HCRTR2: variants seen among roughly 807,000 people sequenced by gnomAD.
HCRTR2 encodes hypocretin receptor 2.
In HCRTR2, 22 loss-of-function variants were observed where a neutral mutation model predicts 49.0. The observed-to-expected ratio is 0.45, with a 90% CI of 0.32 to 0.64. HCRTR2 has a LOEUF of 0.64. Among genes scored for constraint, HCRTR2 ranks in the 30% least tolerant of loss-of-function variants. The pLI is 0.04. For synonymous variants in HCRTR2, 236 were observed against 205.3 expected (o/e 1.15, Z -1.28); for missense variants, 491 against 559.4 (o/e 0.88, Z 1.23).
Position 55,240,357 on chromosome 6 carries a change from CAAAAAAAAAAA to C in HCRTR2, c.224-8265_224-8255del, listed in dbSNP as rs1167981530. Among the ~76,000 whole-genome samples the C allele has an allele frequency of 2.2e-4, 10 of 46,016 alleles. No individual in the cohort carries two copies. The East Asian group carries it at 4.9e-3, about 23-fold the overall frequency. The allele number at this position is 46,016 out of a possible 152,430, so 30.2% of individuals were successfully genotyped here. A position where few individuals can be genotyped will look rare whatever the true frequency, so the allele number is the denominator to read the frequency against. On this transcript the variant is annotated intron_variant, in intron 1 of 6. Coordinates refer to ENST00000370862, the MANE Select transcript of HCRTR2 (RefSeq NM_001384272.1). ...TGGACGAAAGAGCGAGACTCCAGCT[CAAAAAAAAAAA>C]AAAAAAAAAAAAAAAAGAGTTTTAT... is the stretch of plus-strand genomic sequence containing the variant.
chr6:55,214,890 T>C (rs1388476226), intron 1 of HCRTR2, among the ~76,000 whole-genome samples: 1 of 151,868 alleles, frequency 6.6e-6, no homozygotes, highest in Non-Finnish European at 1.5e-5. Context: ...TTTGTAATTA[T>C]TCAGTCAGAG....
intron 1 of HCRTR2, among the ~76,000 whole-genome samples, chr6:55,133,678 T>TATCC (rs1371568495): frequency 6.7e-6 from 1 of 149,632 alleles, no homozygotes; most frequent in Non-Finnish European, 1.5e-5. Flanking sequence ...TCTATCTATC[T>TATCC]ATCTATCTAT....
chr6:55,235,178 G>A (rs1242476618), intron 1 of HCRTR2, among the ~76,000 whole-genome samples: 1 of 152,052 alleles, frequency 6.6e-6, no homozygotes, highest in Non-Finnish European at 1.5e-5. Flanking sequence ...TTGGCAGGGG[G>A]GATGTTGTTG....
downstream of HCRTR2, among the ~76,000 whole-genome samples, chr6:55,283,929 A>G (rs1008593784): frequency 6.6e-6 from 1 of 152,186 alleles, no homozygotes; most frequent in African/African-American, 2.4e-5. Flanking sequence ...CTATCTTCTT[A>G]TACAAGGTTT....
At chr6:55,179,531 G>A (rs150994332) in intron 1 of HCRTR2, among the ~76,000 whole-genome samples, 24 of 152,164 alleles carry the variant, frequency 1.6e-4, no homozygotes, top group African/African-American at 5.5e-4. Context: ...CTTTTAAGAT[G>A]GCTATTTCAT....
intron 1 of HCRTR2, 116 bp downstream of exon 1, chr6:55,174,926 T>A (rs969449745): frequency 1.3e-6 from 1 of 755,828 alleles, no homozygotes; most frequent in Admixed American, 2.2e-5. Flanking sequence ...AGGTCGCTGC[T>A]CTCGGATGGG....
chr6:55,237,773 T>C (rs1766241707), intron 1 of HCRTR2, among the ~76,000 whole-genome samples: 6 of 152,212 alleles, frequency 3.9e-5, no homozygotes, highest in Admixed American at 3.9e-4. Flanking sequence ...TTATCTGCCG[T>C]TACCAGAAAT....
At chr6:55,272,979 A>G (rs1428034574) in intron 4 of HCRTR2, among the ~76,000 whole-genome samples, 1 of 151,514 alleles carries the variant, frequency 6.6e-6, no homozygotes, top group Non-Finnish European at 1.5e-5. Context: ...GTTGTCATCC[A>G]TAAGGGCCAT....
intron 1 of HCRTR2, among the ~76,000 whole-genome samples, chr6:55,242,608 A>G (rs1766357665): frequency 6.6e-6 from 1 of 152,196 alleles, no homozygotes; most frequent in Admixed American, 6.5e-5. Flanking sequence ...TCACATCACA[A>G]TATCATAAAT....
chr6:55,191,956 A>G (rs1300533944), intron 1 of HCRTR2, among the ~76,000 whole-genome samples: 1 of 152,188 alleles, frequency 6.6e-6, no homozygotes, highest in Non-Finnish European at 1.5e-5. Context: ...TGTCTGCAAG[A>G]TTTCTAAGAT....
chr6:55,144,492 C>T (rs1190377987), intron 1 of HCRTR2, among the ~76,000 whole-genome samples: 2 of 152,076 alleles, frequency 1.3e-5, no homozygotes, highest in South Asian at 2.1e-4. Context: ...GCAGCGGTCC[C>T]CAAACTTCTT....
At chr6:55,128,546 A>T (rs1412828212) in intron 1 of HCRTR2, among the ~76,000 whole-genome samples, 1 of 152,194 alleles carries the variant, frequency 6.6e-6, no homozygotes, top group African/African-American at 2.4e-5. Context: ...GAATCTTCCT[A>T]TCCATGCTCA....
At chr6:55,220,057 C>T (rs1765862971) in intron 1 of HCRTR2, among the ~76,000 whole-genome samples, 1 of 151,970 alleles carries the variant, frequency 6.6e-6, no homozygotes, top group Admixed American at 6.5e-5. Context: ...TGATCAGAAA[C>T]TTCCCAAAAA....
intron 1 of HCRTR2, among the ~76,000 whole-genome samples, chr6:55,191,088 A>G (rs912729042): frequency 3.9e-5 from 6 of 152,150 alleles, no homozygotes; most frequent in African/African-American, 1.4e-4. Context: ...AAAGACCAAT[A>G]AGAGGAATTA....
chr6:55,107,304 TC>T (rs1417099609), intron 1 of HCRTR2, among the ~76,000 whole-genome samples: 1 of 152,138 alleles, frequency 6.6e-6, no homozygotes, highest in Non-Finnish European at 1.5e-5. Flanking sequence ...TAAGTCTTCT[TC>T]CTACTCTGAC....
intron 1 of HCRTR2, among the ~76,000 whole-genome samples, chr6:55,132,188 A>G (rs4327679): frequency 1 from 151,405 of 151,936 alleles, 75,441 homozygotes; most frequent in Middle Eastern, 1. Flanking sequence ...AAACACATAC[A>G]TATATATGAT....
intron 1 of HCRTR2, among the ~76,000 whole-genome samples, chr6:55,115,064 T>A (rs757771390): frequency 9.2e-5 from 14 of 151,772 alleles, no homozygotes; most frequent in Non-Finnish European, 1.9e-4. Flanking sequence ...GGGTGAGAAT[T>A]TTCCAATAGT....
intron 1 of HCRTR2, among the ~76,000 whole-genome samples, chr6:55,183,822 C>T (rs1006730893): frequency 4.0e-5 from 6 of 151,550 alleles, no homozygotes; most frequent in Admixed American, 6.6e-5. Flanking sequence ...AGTGAGAAAA[C>T]GAAGGAAAAA....
rs200461351 is a variant in HCRTR2 at position 55,263,699 on chromosome 6, C to T, written c.647-8C>T. 2.2e-5 allele frequency: 34 copies of T among 1,513,018 alleles called. No individual in the cohort carries two copies. The highest frequency in any genetic ancestry group is 5.5e-6 in the Non-Finnish European group (6 of 1,089,542). The allele number at this position is 1,513,018 out of a possible 1,614,324, so 93.7% of individuals were successfully genotyped here. On this transcript the variant is annotated splice_polypyrimidine_tract_variant and splice_region_variant and intron_variant, in intron 3 of 6. Transcript: ENST00000370862. ...CGTAAGGTTTTGTTGTTTTGACTTTCATCCTAGGTGAAATTTATCCCAAGA... is the reference window on the plus strand; with the variant it reads ...CGTAAGGTTTTGTTGTTTTGACTTTTATCCTAGGTGAAATTTATCCCAAGA...
Sources: allele counts gnomAD v4.1 joint callset (sites outside exome capture counted in the v4.1 genomes callset), GRCh38; gene constraint gnomAD v4.1.1; transcripts MANE v1.5; gene names NCBI Gene and HGNC (gene_info 2026-07-23, HGNC 2026-07-21).